AP3B1: variants seen among roughly 807,000 people sequenced by gnomAD.
AP3B1 encodes the protein adaptor related protein complex 3 subunit beta 1.
A neutral mutation model predicts 132.5 loss-of-function variants in AP3B1; 61 were observed. The observed-to-expected ratio is 0.46, with a 90% CI of 0.37 to 0.57. AP3B1 has a LOEUF of 0.57. Among genes scored for constraint, AP3B1 ranks in the 20% least tolerant of loss-of-function variants. AP3B1 has a pLI of 0.00. For missense variants in AP3B1, 1,120 were observed against 1,289.4 expected, an observed-to-expected ratio of 0.87 and a Z score of 2.01; for synonymous variants, 388 against 438.3, an observed-to-expected ratio of 0.89 and a Z score of 1.43.
chr5:78,282,548 G>C (rs1580590631), intron 1 of AP3B1, among the ~76,000 whole-genome samples: 1 of 152,190 alleles, frequency 6.6e-6, no homozygotes, highest in Middle Eastern at 3.4e-3. Flanking sequence ...AGTAACTGCA[G>C]TTTTTGCCAT....
At chr5:78,170,927 G>T (rs143998154) in intron 11 of AP3B1, among the ~76,000 whole-genome samples, 2,721 of 152,248 alleles carry the variant, frequency 0.018, 59 homozygotes, top group Admixed American at 0.068. Flanking sequence ...GTAAGGAAGG[G>T]ATCCAGTTTC....
Position 78,128,066 on chromosome 5 carries a change from G to A in AP3B1, c.1932C>T (p.Pro644=), listed in dbSNP as rs368771979. ...CTTCTACATTTCGAACTGATGGGTC[G>A]GGCGCCACCTCTGGCCAATTAGATA... ...LELSNWPEVA[P]DPSVRNVEVI... The change falls in exon 17 of 27, where the codon CCC becomes CCT. Residue 644 remains proline (P), a synonymous_variant. Transcript: ENST00000255194. 1.5e-5 allele frequency: 25 copies of A among 1,613,024 alleles called. No homozygotes were observed. The highest frequency in any genetic ancestry group is 1.9e-5 in the Non-Finnish European group (22 of 1,179,320).
At chr5:78,292,553 C>T (rs1749571293) in intron 1 of AP3B1, among the ~76,000 whole-genome samples, 1 of 152,142 alleles carries the variant, frequency 6.6e-6, no homozygotes, top group Non-Finnish European at 1.5e-5. Context: ...GTGGCCTTTT[C>T]CAAGTTAACA....
chr5:78,209,352 G>A (rs1745640393), intron 7 of AP3B1, among the ~76,000 whole-genome samples: 2 of 152,116 alleles, frequency 1.3e-5, no homozygotes, highest in African/African-American at 4.8e-5. Context: ...ACTACCTGGA[G>A]GCTTTATCTG....
At chr5:78,110,005 G>A (rs1580356851) in intron 20 of AP3B1, among the ~76,000 whole-genome samples, 1 of 152,036 alleles carries the variant, frequency 6.6e-6, no homozygotes, top group African/African-American at 2.4e-5. Context: ...GAACAAAAAA[G>A]GTCATATGCG....
At chr5:78,110,628 A>T (rs1561413002) in intron 19 of AP3B1, among the ~76,000 whole-genome samples, 2 of 152,066 alleles carry the variant, frequency 1.3e-5, no homozygotes. Context: ...ACTACCAGTA[A>T]CAACGTTAAA....
chr5:78,230,771 A>G (rs1347059420), intron 3 of AP3B1, among the ~76,000 whole-genome samples: 4 of 152,194 alleles, frequency 2.6e-5, no homozygotes, highest in Admixed American at 2.6e-4. Flanking sequence ...TCCATATAAC[A>G]CTATACTATT....
chr5:78,131,194 G>A (rs2112305122), intron 15 of AP3B1, among the ~76,000 whole-genome samples: 1 of 151,906 alleles, frequency 6.6e-6, no homozygotes, highest in African/African-American at 2.4e-5. Context: ...TTTCTTCAGT[G>A]TATGTATCTA....
chr5:78,208,179 T>C (rs1434726454), intron 7 of AP3B1, among the ~76,000 whole-genome samples: 1 of 151,996 alleles, frequency 6.6e-6, no homozygotes, highest in African/African-American at 2.4e-5. Flanking sequence ...GAAAAACAGA[T>C]TGGAACTGTG....
intron 17 of AP3B1, among the ~76,000 whole-genome samples, chr5:78,118,940 A>G (rs528438094): frequency 6.6e-6 from 1 of 152,298 alleles, no homozygotes; most frequent in Admixed American, 6.5e-5. Context: ...GGGTAGACTG[A>G]CACCTCACAC....
At position 78,116,198 on chromosome 5, in the gene AP3B1, C is replaced by A. The variant is rs1751820349; in HGVS notation, c.2005G>T (p.Glu669Ter). The change falls in exon 18 of 27, where the codon GAG (glutamate) becomes TAG (stop). Residue 669 changes from glutamate (E) to a stop codon, truncating the protein, a stop_gained. Coordinates refer to ENST00000255194, the MANE Select transcript of AP3B1 (RefSeq NM_003664.5). LOFTEE classifies it high-confidence loss of function. ...GAATAAAACTTCTTAGCAGAATTCT[C>A]TTGCTTTGCTTTTCCTGCTGGGGTC... ...EWTPAGKAKQENSAKKFYSES... is the reference protein window; with the variant it reads ...EWTPAGKAKQ 1.2e-6 allele frequency: 2 copies of A among 1,613,818 alleles called. No homozygotes were observed. Among genetic ancestry groups the A allele is most frequent in the Non-Finnish European group, 1.7e-6 (2 of 1,179,832 alleles).
intron 7 of AP3B1, among the ~76,000 whole-genome samples, chr5:78,213,023 G>A (rs1007268034): frequency 6.6e-6 from 1 of 151,992 alleles, no homozygotes; most frequent in South Asian, 2.1e-4. Context: ...GACTACAGGT[G>A]CCCGCCACCG....
intron 7 of AP3B1, among the ~76,000 whole-genome samples, chr5:78,196,935 C>T (rs1745098028): frequency 6.6e-6 from 1 of 152,104 alleles, no homozygotes; most frequent in South Asian, 2.1e-4. Flanking sequence ...TATGATAAAA[C>T]ACAATGGTGT....
chr5:78,121,511 A>T (rs1462509146), intron 17 of AP3B1, among the ~76,000 whole-genome samples: 1 of 152,222 alleles, frequency 6.6e-6, no homozygotes, highest in East Asian at 1.9e-4. Context: ...GATAAAAGGG[A>T]TATCACCACT....
chr5:78,179,828 A>G (rs1325514467), intron 8 of AP3B1, among the ~76,000 whole-genome samples: 1 of 152,170 alleles, frequency 6.6e-6, no homozygotes, highest in Non-Finnish European at 1.5e-5. Context: ...GCCTTTACTC[A>G]TATTTAGCAG....
Position 78,227,487 on chromosome 5 carries a change from T to C in AP3B1, c.421A>G (p.Ser141Gly), listed in dbSNP as rs760681446. 10 of 1,613,818 alleles carry C rather than the reference T, an allele frequency of 6.2e-6. No individual in the cohort carries two copies. The highest frequency in any genetic ancestry group is 1.1e-5 in the South Asian group (1 of 91,080). Residue 141 changes from serine to glycine, a missense_variant, in exon 5 of 27, where the codon AGT becomes GGT. Physicochemically the swap from Ser to Gly is moderately conservative, Grantham distance 56 (BLOSUM62 0). Transcript: ENST00000255194. ...IRASALRVLS[S>G]IRVPIIVPIM... ...GGTACAATAATTGGCACTCTAATAC[T>C]TGACAGAACTCTCAAAGCGCTTGCA...
chr5:78,283,280 G>A (rs1392786100), intron 1 of AP3B1, among the ~76,000 whole-genome samples: 1 of 152,130 alleles, frequency 6.6e-6, no homozygotes, highest in Non-Finnish European at 1.5e-5. Flanking sequence ...TCCAGAGTGG[G>A]TGTGTCTAAC....
chr5:78,265,273 C>G (rs1351946852), intron 2 of AP3B1, among the ~76,000 whole-genome samples: 1 of 151,502 alleles, frequency 6.6e-6, no homozygotes, highest in Non-Finnish European at 1.5e-5. Context: ...CCTGTCTCTA[C>G]AAAAAATAAA....
At chr5:78,045,885 C>T (rs1270743219) in intron 22 of AP3B1, among the ~76,000 whole-genome samples, 2 of 152,176 alleles carry the variant, frequency 1.3e-5, no homozygotes, top group African/African-American at 2.4e-5. Flanking sequence ...CAAACTATAA[C>T]CCACAAGCCA....
Sources: gnomAD v4.1 joint callset for allele counts (sites outside exome capture counted in the v4.1 genomes callset) on GRCh38, gnomAD v4.1.1 for gene constraint, MANE v1.5 for transcripts, NCBI Gene and HGNC (gene_info 2026-07-23, HGNC 2026-07-21) for gene names.